PSD3: variants seen among roughly 807,000 people sequenced by gnomAD.
PSD3 encodes the protein PH and SEC7 domain-containing protein 3.
Under a neutral mutation model 105.5 loss-of-function variants are expected in PSD3, and 49 were observed. The ratio of observed to expected loss-of-function variants is 0.46; its 90% confidence interval spans 0.37 to 0.59. PSD3 has a LOEUF of 0.59. Among genes scored for constraint, PSD3 ranks in the 20% least tolerant of loss-of-function variants. PSD3 has a pLI of 0.00. For synonymous variants in PSD3, 557 were observed against 457.8 expected, an observed-to-expected ratio of 1.22 and a Z score of -2.77; for missense variants, 1,561 against 1,263.8, an observed-to-expected ratio of 1.24 and a Z score of -3.57.
intron 9 of PSD3, among the ~76,000 whole-genome samples, chr8:18,731,708 T>G (rs966330158): frequency 2.6e-5 from 4 of 152,126 alleles, no homozygotes; most frequent in Admixed American, 2.6e-4. Context: ...AAATTAAAAG[T>G]TGTACTTTTA....
intron 9 of PSD3, among the ~76,000 whole-genome samples, chr8:18,662,807 A>C (rs1809456117): frequency 6.6e-6 from 1 of 152,094 alleles, no homozygotes; most frequent in African/African-American, 2.4e-5. Context: ...ATGGTTTTTG[A>C]TCAATAGCAT....
At chr8:18,687,340 C>T (rs746566601) in intron 9 of PSD3, among the ~76,000 whole-genome samples, 1 of 152,072 alleles carries the variant, frequency 6.6e-6, no homozygotes, top group African/African-American at 2.4e-5. Flanking sequence ...ATGATGAGCA[C>T]CTGTGGTCCT....
chr8:18,832,987 C>T lies in PSD3; in HGVS notation c.1635-28089G>A, dbSNP rs80113988. Among the ~76,000 whole-genome samples the T allele has an allele frequency of 7.1e-3, 1,075 of 152,268 alleles. 10 individuals are homozygous for T. The highest frequency in any genetic ancestry group is 0.024 in the African/African-American group (1,013 of 41,550). On this transcript the variant is annotated intron_variant, in intron 4 of 15. Coordinates refer to ENST00000327040, the MANE Select transcript of PSD3 (RefSeq NM_015310.4). ...CATATCAGTAAACAAGGCAGATATG[C>T]TCTCTGGCATGGCAGTTTGAGGTTA...
chr8:18,823,406 A>C (rs1305757641), intron 4 of PSD3, among the ~76,000 whole-genome samples: 6 of 152,226 alleles, frequency 3.9e-5, no homozygotes, highest in Non-Finnish European at 5.9e-5. Flanking sequence ...ACTCAAAATA[A>C]GAACAAAATA....
chr8:18,728,831 A>C (rs889319862), intron 9 of PSD3, among the ~76,000 whole-genome samples: 1 of 152,226 alleles, frequency 6.6e-6, no homozygotes, highest in Admixed American at 6.5e-5. Context: ...ACTTTTGAAA[A>C]AAAAGCTATG....
intron 1 of PSD3, among the ~76,000 whole-genome samples, chr8:19,078,208 G>T (rs1370853366): frequency 6.6e-6 from 1 of 151,946 alleles, no homozygotes; most frequent in Non-Finnish European, 1.5e-5. Flanking sequence ...GAAAACAAAA[G>T]TCTTTCAAAG....
rs141705471 is a variant in PSD3, at chr8:18,781,391, T to G, written c.2083-15853A>C. Among the ~76,000 whole-genome samples, 138 of 152,314 alleles carry G rather than the reference T, an allele frequency of 9.1e-4. 2 individuals are homozygous for G. Among genetic ancestry groups the G allele is most frequent in the East Asian group, 7.3e-3 (38 of 5,184 alleles). ...ACAGGGATCCACCATCTTTGTCTCT[T>G]GAAGTACCTCCCAAGACACAATCCC... On this transcript the variant is annotated intron_variant, in intron 8 of 15. Transcript: ENST00000327040.
At chr8:18,871,239 GGT>G (rs1164954521) in intron 3 of PSD3, among the ~76,000 whole-genome samples, 1 of 152,130 alleles carries the variant, frequency 6.6e-6, no homozygotes, top group Non-Finnish European at 1.5e-5. Context: ...AGCTATATAG[GGT>G]GTGTCAAAAG....
At chr8:18,830,842 T>C (rs756863540) in intron 4 of PSD3, among the ~76,000 whole-genome samples, 1 of 152,108 alleles carries the variant, frequency 6.6e-6, no homozygotes, top group Non-Finnish European at 1.5e-5. Flanking sequence ...AAACCATCTA[T>C]GAGAACAGAG....
chr8:18,697,011 C>T lies in PSD3; in HGVS notation c.2173-41326G>A, dbSNP rs1055543667. On this transcript the variant is annotated intron_variant, in intron 9 of 15. Coordinates refer to ENST00000327040, the MANE Select transcript of PSD3 (RefSeq NM_015310.4). Reference sequence around the variant, plus strand: ...GCACTTTGCCACTTTGCGGGGACAACGTGGGAGGATCACTTGAGCCCAGGG... The same window carrying T: ...GCACTTTGCCACTTTGCGGGGACAATGTGGGAGGATCACTTGAGCCCAGGG... Among the ~76,000 whole-genome samples, 5 of 76,492 alleles carry T rather than the reference C, an allele frequency of 6.5e-5. No individual in the cohort carries two copies. In the East Asian group the frequency reaches 9.0e-4, roughly 14 times the overall value. The allele number at this position is 76,492 out of a possible 152,430, so 50.2% of individuals were successfully genotyped here.
intron 1 of PSD3, among the ~76,000 whole-genome samples, chr8:19,002,431 T>C (rs563821661): frequency 3.3e-5 from 5 of 152,112 alleles, no homozygotes; most frequent in Non-Finnish European, 7.4e-5. Flanking sequence ...GTATACTTTT[T>C]AAGGAACAAG....
At chr8:19,012,583 G>A (rs1021209129) in intron 1 of PSD3, among the ~76,000 whole-genome samples, 1 of 152,132 alleles carries the variant, frequency 6.6e-6, no homozygotes, top group Non-Finnish European at 1.5e-5. Flanking sequence ...AGCTTCCTCT[G>A]AGATCCTCCA....
chr8:19,083,695 A>G (rs1829715206), intron 1 of PSD3, among the ~76,000 whole-genome samples: 1 of 152,182 alleles, frequency 6.6e-6, no homozygotes, highest in African/African-American at 2.4e-5. Context: ...ATTGTTCCCA[A>G]TGCCCATTCT....
At chr8:18,611,187 T>C (rs1051338325) in intron 11 of PSD3, among the ~76,000 whole-genome samples, 1 of 151,558 alleles carries the variant, frequency 6.6e-6, no homozygotes, top group Non-Finnish European at 1.5e-5. Context: ...TAATTCTGCT[T>C]ATGAATAGGA....
At chr8:18,721,863 C>A (rs988498965) in intron 9 of PSD3, among the ~76,000 whole-genome samples, 7 of 151,942 alleles carry the variant, frequency 4.6e-5, no homozygotes, top group African/African-American at 1.7e-4. Context: ...TAAAAGTGAG[C>A]TTTTTAAAAG....
rs113635920 is a variant in PSD3, at chr8:18,667,880, G to T, written c.2173-12195C>A. Among the ~76,000 whole-genome samples, 404 of 152,332 alleles carry T rather than the reference G, an allele frequency of 2.7e-3. 2 individuals carry two copies. The highest frequency in any genetic ancestry group is 4.0e-3 in the Non-Finnish European group (269 of 68,026). ...AATCTGAGTGTAGCGCCGGCAGGCC[G>T]GCACTGCTGGGGGACCCGGTGCACC... On this transcript the variant is annotated intron_variant, in intron 9 of 15. Coordinates refer to ENST00000327040, the MANE Select transcript of PSD3 (RefSeq NM_015310.4).
intron 15 of PSD3, among the ~76,000 whole-genome samples, chr8:18,543,017 A>G (rs1800238330): frequency 6.6e-6 from 1 of 152,226 alleles, no homozygotes; most frequent in Non-Finnish European, 1.5e-5. Context: ...TAATTCCACT[A>G]TCAGAAAAAT....
chr8:18,988,997 C>T (rs1215798705), intron 1 of PSD3, among the ~76,000 whole-genome samples: 2 of 152,186 alleles, frequency 1.3e-5, no homozygotes, highest in African/African-American at 2.4e-5. Flanking sequence ...CAGCAGCCTG[C>T]ATGGTCGGGA....
chr8:18,957,596 C>G (rs138835091), intron 1 of PSD3, among the ~76,000 whole-genome samples: 9 of 152,156 alleles, frequency 5.9e-5, no homozygotes, highest in African/African-American at 1.9e-4. Flanking sequence ...TCACCTATTC[C>G]ATTACAGCCT....
Sources: gnomAD v4.1 joint callset for allele counts (sites outside exome capture counted in the v4.1 genomes callset) on GRCh38, gnomAD v4.1.1 for gene constraint, MANE v1.5 for transcripts, NCBI Gene and HGNC (gene_info 2026-07-23, HGNC 2026-07-21) for gene names.